The following EPHA3 variants were observed in gnomAD, a reference collection of about 807,000 sequenced individuals.
EPHA3 encodes EPH receptor A3, also known as ephrin type-A receptor 3.
A neutral mutation model predicts 107.1 loss-of-function variants in EPHA3; 42 were observed. The observed-to-expected ratio is 0.39, with a 90% CI of 0.31 to 0.51. The LOEUF is 0.51. Ranked by LOEUF, EPHA3 falls within the 20% of genes least tolerant of loss-of-function variation. The probability of loss-of-function intolerance (pLI) is 0.78; values close to 1 mark genes in which losing one functional copy is unlikely to be tolerated. For missense variants in EPHA3, 1,183 were observed against 1,211.2 expected, an observed-to-expected ratio of 0.98 and a Z score of 0.35; for synonymous variants, 461 against 424.8, an observed-to-expected ratio of 1.09 and a Z score of -1.05.
intron 2 of EPHA3, among the ~76,000 whole-genome samples, chr3:89,150,802 G>T (rs1479446714): frequency 1.3e-5 from 2 of 151,938 alleles, no homozygotes; most frequent in African/African-American, 4.8e-5. Context: ...GACATTTTTA[G>T]TATAGAATTT....
chr3:89,325,300 A>G (rs546159169), intron 3 of EPHA3, among the ~76,000 whole-genome samples: 24 of 152,126 alleles, frequency 1.6e-4, no homozygotes, highest in Non-Finnish European at 3.4e-4. Flanking sequence ...TCACTTCTCT[A>G]CCTATGTCTT....
chr3:89,195,776 G>A (rs1705824096), intron 2 of EPHA3, among the ~76,000 whole-genome samples: 1 of 152,034 alleles, frequency 6.6e-6, no homozygotes, highest in Admixed American at 6.6e-5. Context: ...AGATCCATCT[G>A]CCTCCATTCC....
intron 3 of EPHA3, among the ~76,000 whole-genome samples, chr3:89,297,840 G>A (rs1415960092): frequency 1.3e-5 from 2 of 152,092 alleles, no homozygotes; most frequent in Non-Finnish European, 2.9e-5. Flanking sequence ...TTTGAGACCA[G>A]CCTGGCCAAC....
At chr3:89,227,472 C>T (rs914545751) in intron 3 of EPHA3, among the ~76,000 whole-genome samples, 16 of 151,890 alleles carry the variant, frequency 1.1e-4, no homozygotes, top group Admixed American at 7.9e-4. Context: ...AATATTAAAT[C>T]GAAGTAAAGA....
At chr3:89,282,774 T>C (rs1432371265) in intron 3 of EPHA3, among the ~76,000 whole-genome samples, 1 of 152,146 alleles carries the variant, frequency 6.6e-6, no homozygotes, top group Non-Finnish European at 1.5e-5. Flanking sequence ...GAGTGTCTTT[T>C]CTTTATGAGA....
chr3:89,343,460 C>T (rs1707578532), intron 5 of EPHA3, among the ~76,000 whole-genome samples: 1 of 152,158 alleles, frequency 6.6e-6, no homozygotes, highest in East Asian at 1.9e-4. Context: ...TCAGGTCCAT[C>T]TCCATTCTCC....
chr3:89,187,173 T>G (rs1332234009), intron 2 of EPHA3, among the ~76,000 whole-genome samples: 1 of 150,372 alleles, frequency 6.7e-6, no homozygotes, highest in Non-Finnish European at 1.5e-5. Flanking sequence ...AATTACTGTA[T>G]AAAAGCCCTT....
chr3:89,316,882 A>C (rs759367129), intron 3 of EPHA3, among the ~76,000 whole-genome samples: 1 of 151,626 alleles, frequency 6.6e-6, no homozygotes, highest in Non-Finnish European at 1.5e-5. Context: ...TGGTCATTTC[A>C]ATGTTCACAA....
chr3:89,169,416 C>A (rs750808266), intron 2 of EPHA3, among the ~76,000 whole-genome samples: 26 of 152,176 alleles, frequency 1.7e-4, no homozygotes, highest in Non-Finnish European at 3.4e-4. Flanking sequence ...TCAATGTTCT[C>A]ATTCTCTGTT....
At chr3:89,363,602 T>A (rs1708137061) in intron 5 of EPHA3, among the ~76,000 whole-genome samples, 1 of 150,816 alleles carries the variant, frequency 6.6e-6, no homozygotes, top group South Asian at 2.1e-4. Context: ...CCCAGACTGG[T>A]GTTTGACCAA....
intron 3 of EPHA3, among the ~76,000 whole-genome samples, chr3:89,266,183 A>G (rs773282131): frequency 3.9e-5 from 6 of 152,172 alleles, no homozygotes; most frequent in Non-Finnish European, 5.9e-5. Flanking sequence ...TAAAAATTCT[A>G]TGAAGTGGGC....
In EPHA3 at chr3:89,277,264, G is replaced by A. The variant is rs184548623; in HGVS notation, c.815-63652G>A. Among the ~76,000 whole-genome samples, 177 of 152,048 alleles carry A rather than the reference G, an allele frequency of 1.2e-3. 1 individual carries two copies. The highest frequency in any genetic ancestry group is 6.8e-3 in the Middle Eastern group (2 of 294). ...TACTGTAATTCTGAATTTTAAAGTG[G>A]GAGAAATATACGTTTAAAGAAGTAA... is the stretch of plus-strand genomic sequence containing the variant. On this transcript the variant is annotated intron_variant, in intron 3 of 16. Coordinates refer to ENST00000336596, the MANE Select transcript of EPHA3 (RefSeq NM_005233.6).
At chr3:89,149,111 G>A (rs1007118871) in intron 2 of EPHA3, among the ~76,000 whole-genome samples, 1 of 151,868 alleles carries the variant, frequency 6.6e-6, no homozygotes, top group African/African-American at 2.4e-5. Flanking sequence ...AGATACTATT[G>A]CCTAAACAAT....
chr3:89,243,325 T>A (rs989432610), intron 3 of EPHA3, among the ~76,000 whole-genome samples: 6 of 152,094 alleles, frequency 3.9e-5, no homozygotes, highest in Non-Finnish European at 8.8e-5. Context: ...CTGAGGAATC[T>A]CCACACTGAC....
At chr3:89,179,732 CT>C (rs1196822760) in intron 2 of EPHA3, among the ~76,000 whole-genome samples, 3 of 151,102 alleles carry the variant, frequency 2.0e-5, no homozygotes, top group African/African-American at 7.3e-5. Context: ...TCCTTTTTCG[CT>C]TTTTCCTATT....
intron 16 of EPHA3, among the ~76,000 whole-genome samples, chr3:89,476,634 T>G (rs907415680): frequency 2.8e-4 from 41 of 144,718 alleles, no homozygotes; most frequent in African/African-American, 8.9e-4. Context: ...TTGAGGCGGA[T>G]TCTCGCTCTG....
intron 2 of EPHA3, among the ~76,000 whole-genome samples, chr3:89,180,961 C>T (rs1440189905): frequency 6.6e-6 from 1 of 151,856 alleles, no homozygotes; most frequent in Non-Finnish European, 1.5e-5. Flanking sequence ...TGTTGATAAA[C>T]CAAGTGACTG....
At position 89,289,974 on chromosome 3, in the gene EPHA3, C is replaced by T. The variant is rs144969385; in HGVS notation, c.815-50942C>T. On this transcript the variant is annotated intron_variant, in intron 3 of 16. Coordinates refer to ENST00000336596, the MANE Select transcript of EPHA3 (RefSeq NM_005233.6). ...CAAAGAAAGCACAGCCTCAGAGGTA[C>T]CTAATGTAACAGACCATGCTGTTTT... Among the ~76,000 whole-genome samples the T allele has an allele frequency of 1.5e-4, 23 of 152,166 alleles. No homozygotes were observed. In the East Asian group the frequency reaches 3.7e-3, roughly 24 times the overall value.
At chr3:89,319,471 G>A (rs746062016) in intron 3 of EPHA3, among the ~76,000 whole-genome samples, 4 of 151,930 alleles carry the variant, frequency 2.6e-5, no homozygotes, top group African/African-American at 4.8e-5. Context: ...CCAAAGCCCC[G>A]AAGAGAGCTA....
Sources: allele counts gnomAD v4.1 joint callset (sites outside exome capture counted in the v4.1 genomes callset), GRCh38; gene constraint gnomAD v4.1.1; transcripts MANE v1.5; gene names NCBI Gene and HGNC (gene_info 2026-07-23, HGNC 2026-07-21).